DLGAP3: variants seen among roughly 807,000 people sequenced by gnomAD.
The protein encoded by DLGAP3 is disks large-associated protein 3.
Under a neutral mutation model 81.2 loss-of-function variants are expected in DLGAP3, and 17 were observed. The ratio of observed to expected loss-of-function variants is 0.21; its 90% confidence interval spans 0.14 to 0.31. The LOEUF (loss-of-function observed/expected upper bound fraction) is 0.31, where lower values mean the gene tolerates loss of function less well. Among genes scored for constraint, DLGAP3 ranks in the 10% least tolerant of loss-of-function variants. The probability of loss-of-function intolerance (pLI) is 1.00; values close to 1 mark genes in which losing one functional copy is unlikely to be tolerated. For synonymous variants in DLGAP3, 577 were observed against 587.4 expected, an observed-to-expected ratio of 0.98 and a Z score of 0.26; for missense variants, 1,124 against 1,388.0, an observed-to-expected ratio of 0.81 and a Z score of 3.02.
At position 34,904,478 on chromosome 1, in the gene DLGAP3, C is replaced by A. The variant is rs1466375747; in HGVS notation, c.906G>T (p.Lys302Asn). ...GGCCTTCCGACCCGCCCGAGCGCCC[C>A]TTGAAGCTCAAGTCCCGGTAGGACC... ...PDGSYRDLSF[K>N]GRSGGSEGRC... Residue 302 changes from lysine to asparagine, a missense_variant, in exon 3 of 12, where the codon AAG becomes AAT. Physicochemically the swap from Lys to Asn is moderately conservative, Grantham distance 94. Coordinates refer to ENST00000373347, the MANE Select transcript of DLGAP3 (RefSeq NM_001080418.3). The surrounding 1 kb of genome is among the most constrained non-coding windows in gnomAD (Gnocchi z 8.1). 6.2e-7 allele frequency: 1 copy of A among 1,614,214 alleles called. No homozygotes were observed.
In DLGAP3 at chr1:34,925,132, C is replaced by T. The variant is rs189524581; in HGVS notation, c.-135+4319G>A. Among the ~76,000 whole-genome samples, 45 of 152,206 alleles carry T rather than the reference C, an allele frequency of 3.0e-4. No homozygotes were observed. The East Asian group carries it at 8.5e-3, about 29-fold the overall frequency. ...CACACCCCCTTTAGAACAGAAGCCCCTCTCCCCTGCCCCTCCCACTGTCGC... is the reference window on the plus strand; with the variant it reads ...CACACCCCCTTTAGAACAGAAGCCCTTCTCCCCTGCCCCTCCCACTGTCGC... On this transcript the variant is annotated intron_variant, in intron 1 of 11. Coordinates refer to ENST00000373347, the MANE Select transcript of DLGAP3 (RefSeq NM_001080418.3).
At position 34,905,234 on chromosome 1, in the gene DLGAP3, C is replaced by T. The variant is rs543185873; in HGVS notation, c.150G>A (p.Pro50=). The change falls in exon 3 of 12, where the codon CCG becomes CCA. Residue 50 remains proline (P), a synonymous_variant. Transcript: ENST00000373347. ...GAGAAATGTGTCCCAGGCCAGCTCT[C>T]GGGGCACAGAAGCGGGGCTCGGTGG... is the stretch of plus-strand genomic sequence containing the variant. ...AFSTEPRFCA[P]RAGLGHISPE... 6.8e-5 allele frequency: 100 copies of T among 1,468,778 alleles called. No homozygotes were observed. The highest frequency in any genetic ancestry group is 2.0e-4 in the Middle Eastern group (1 of 5,128). The allele number at this position is 1,468,778 out of a possible 1,614,324, so 91.0% of individuals were successfully genotyped here.
At chr1:34,918,498 T>C (rs1185996754) in intron 1 of DLGAP3, among the ~76,000 whole-genome samples, 1 of 152,034 alleles carries the variant, frequency 6.6e-6, no homozygotes, top group African/African-American at 2.4e-5. Flanking sequence ...CTGCTACCCT[T>C]AGGAAGTGGG....
intron 1 of DLGAP3, among the ~76,000 whole-genome samples, chr1:34,915,882 A>T (rs1639709532): frequency 6.6e-6 from 1 of 152,156 alleles, no homozygotes; most frequent in South Asian, 2.1e-4. Context: ...CTGCTGCTGC[A>T]CGGGTGTACT....
At position 34,902,656 on chromosome 1, in the gene DLGAP3, T is replaced by C. The variant is rs925693015; in HGVS notation, c.1107+1621A>G. On this transcript the variant is annotated intron_variant, in intron 3 of 11. Coordinates refer to ENST00000373347, the MANE Select transcript of DLGAP3 (RefSeq NM_001080418.3). This position sits in a 1 kb window ranked among gnomAD's most constrained non-coding sequence, Gnocchi z 4.4. ...CTGGAACTCCAGACCGGAGGGATCA[T>C]TCCCCTTCCCCATTCTCTACAGAGA... 1.3e-5 allele frequency among the ~76,000 whole-genome samples: 2 copies of C among 152,056 alleles called. No individual in the cohort carries two copies. Among genetic ancestry groups the C allele is most frequent in the Non-Finnish European group, 2.9e-5 (2 of 68,002 alleles).
rs751621569 is a variant in DLGAP3, at chr1:34,900,043, A to AC, written c.1313+24dup. On this transcript the variant is annotated intron_variant, in intron 4 of 11. Coordinates refer to ENST00000373347, the MANE Select transcript of DLGAP3 (RefSeq NM_001080418.3). The surrounding 1 kb of genome is among the most constrained non-coding windows in gnomAD (Gnocchi z 5.6). ...TCCAGCATCAGCCTCCTGACCCCGC[A>AC]CCCCCCGGCCCTCCCTGTCCTTACT... 30 of 1,602,144 alleles carry AC rather than the reference A, an allele frequency of 1.9e-5. No homozygotes were observed. The highest frequency in any genetic ancestry group is 2.4e-5 in the Non-Finnish European group (28 of 1,173,768).
chr1:34,910,098 G>C (rs917094063), intron 1 of DLGAP3, among the ~76,000 whole-genome samples: 1 of 152,116 alleles, frequency 6.6e-6, no homozygotes, highest in African/African-American at 2.4e-5. Context: ...AGCTAGGGCC[G>C]CTATCTTGCC....
At chr1:34,919,655 C>T (rs1639768904) in intron 1 of DLGAP3, among the ~76,000 whole-genome samples, 1 of 152,146 alleles carries the variant, frequency 6.6e-6, no homozygotes, top group South Asian at 2.1e-4. Context: ...TGGCAAGTGC[C>T]TGTAATCCCA....
chr1:34,866,982 C>T, intron 11 of DLGAP3, 66 bp downstream of exon 11: 2 of 1,593,358 alleles, frequency 1.3e-6, no homozygotes, highest in Middle Eastern at 1.8e-4. Flanking sequence ...GTCCCACCCT[C>T]CACCTCTCTG....
intron 1 of DLGAP3, among the ~76,000 whole-genome samples, chr1:34,914,796 G>A (rs1396356857): frequency 6.6e-6 from 1 of 152,214 alleles, no homozygotes; most frequent in Non-Finnish European, 1.5e-5. Flanking sequence ...TTTGGGCAAA[G>A]GCTGTAACTA....
intron 5 of DLGAP3, among the ~76,000 whole-genome samples, chr1:34,894,833 A>G (rs1261275426): frequency 6.6e-6 from 1 of 152,166 alleles, no homozygotes; most frequent in Non-Finnish European, 1.5e-5. Context: ...AAAAAGTAAC[A>G]ATAATAATAG....
intron 1 of DLGAP3, among the ~76,000 whole-genome samples, chr1:34,923,429 C>T (rs1011739565): frequency 2.0e-5 from 3 of 152,076 alleles, no homozygotes; most frequent in Non-Finnish European, 4.4e-5. Context: ...ATTTTGAAAG[C>T]AGAAGCTGGG....
At chr1:34,899,909 G>A (rs1326939610) in intron 4 of DLGAP3, among the ~76,000 whole-genome samples, 159 bp downstream of exon 4, 1 of 151,890 alleles carries the variant, frequency 6.6e-6, no homozygotes, top group Admixed American at 6.6e-5. Flanking sequence ...ACCAGAGAAG[G>A]ACTCCCACCA....
intron 8 of DLGAP3, among the ~76,000 whole-genome samples, chr1:34,876,459 G>A (rs960957347): frequency 1.3e-5 from 2 of 152,240 alleles, no homozygotes; most frequent in East Asian, 1.9e-4. Flanking sequence ...GGGCTGGGCT[G>A]TGTGTGGCGG....
chr1:34,918,383 C>T (rs772552186), intron 1 of DLGAP3, among the ~76,000 whole-genome samples: 3 of 152,294 alleles, frequency 2.0e-5, no homozygotes, highest in African/African-American at 4.8e-5. Flanking sequence ...CTGCTCAATG[C>T]GGAGCTGATG....
chr1:34,882,667 C>A (rs920054322), intron 8 of DLGAP3, among the ~76,000 whole-genome samples: 3 of 152,118 alleles, frequency 2.0e-5, no homozygotes, highest in Non-Finnish European at 4.4e-5. Context: ...TCCACTATTG[C>A]TTTCTTCAAA....
intron 1 of DLGAP3, among the ~76,000 whole-genome samples, chr1:34,917,940 A>G (rs1300219877): frequency 6.6e-6 from 1 of 152,186 alleles, no homozygotes; most frequent in Non-Finnish European, 1.5e-5. Context: ...GAATTAATCT[A>G]CTGAGCTGGA....
intron 5 of DLGAP3, among the ~76,000 whole-genome samples, chr1:34,899,347 C>T (rs953898864): frequency 2.6e-5 from 4 of 152,194 alleles, no homozygotes; most frequent in East Asian, 1.9e-4. Context: ...GGATCACAGG[C>T]GAGAGCCACT....
rs537016737 is a variant in DLGAP3 at position 34,869,567 on chromosome 1, G to A, written c.2001-478C>T. 9.6e-5 allele frequency among the ~76,000 whole-genome samples: 13 copies of A among 135,772 alleles called. No individual in the cohort carries two copies. In the East Asian group the frequency reaches 2.6e-3, roughly 27 times the overall value. The allele number at this position is 135,772 out of a possible 152,430, so 89.1% of individuals were successfully genotyped here. On this transcript the variant is annotated intron_variant, in intron 8 of 11. Coordinates refer to ENST00000373347, the MANE Select transcript of DLGAP3 (RefSeq NM_001080418.3). ...TGCAATGGCGCGATCTCGGCTCACC[G>A]CAACCTCCGCCTCCCGGGTTCAAGC...
Sources: allele counts gnomAD v4.1 joint callset (sites outside exome capture counted in the v4.1 genomes callset), GRCh38; gene constraint gnomAD v4.1.1; non-coding constraint Gnocchi (gnomAD v3.1); transcripts MANE v1.5; gene names NCBI Gene and HGNC (gene_info 2026-07-23, HGNC 2026-07-21).